The following OR14A2 variants were observed in gnomAD, a reference collection of about 807,000 sequenced individuals.
OR14A2 encodes olfactory receptor family 14 subfamily A member 2.
For missense variants in OR14A2, 237 were observed against 152.9 expected (o/e 1.55, Z -2.90); for synonymous variants, 114 against 58.6 (o/e 1.95, Z -4.32).
the OR14A2 span, among the ~76,000 whole-genome samples, chr1:247,731,910 T>G: frequency 2.6e-5 from 4 of 152,190 alleles, no homozygotes; most frequent in Admixed American, 1.3e-4. Context: ...ATCCCTCATA[T>G]GATGGGTAGA....
chr1:247,735,271 C>A, the OR14A2 span, among the ~76,000 whole-genome samples: 5 of 152,280 alleles, frequency 3.3e-5, no homozygotes, highest in South Asian at 2.1e-4. Flanking sequence ...ATGTTTCAGA[C>A]CCCAAAGTCA....
chr1:247,747,359 C>CTTTTT, the OR14A2 span, among the ~76,000 whole-genome samples: 2 of 136,388 alleles, frequency 1.5e-5, no homozygotes, highest in African/African-American at 5.5e-5. Context: ...AATGCGAAGA[C>CTTTTT]TTTTTTTTTT....
chr1:247,747,128 C>G, the OR14A2 span: 1 of 152,232 alleles, frequency 6.6e-6, no homozygotes. Flanking sequence ...TAATATCTTG[C>G]CTTGGTCTAA....
chr1:247,728,200 C>T (rs1409328172), upstream of OR14A2, among the ~76,000 whole-genome samples: 2 of 152,138 alleles, frequency 1.3e-5, no homozygotes, highest in Non-Finnish European at 2.9e-5. Flanking sequence ...CCGAATCCAG[C>T]AGCACATCAA....
At chr1:247,730,344 C>T in the OR14A2 span, among the ~76,000 whole-genome samples, 2 of 151,982 alleles carry the variant, frequency 1.3e-5, no homozygotes, top group African/African-American at 4.8e-5. Context: ...CTACCTCTAC[C>T]CTGCATAACT....
upstream of OR14A2, among the ~76,000 whole-genome samples, chr1:247,727,798 T>C (rs1256663075): frequency 3.3e-5 from 5 of 149,348 alleles, no homozygotes; most frequent in Non-Finnish European, 7.4e-5. Flanking sequence ...TAAACACCTC[T>C]ATGCAAATAA....
the OR14A2 span, among the ~76,000 whole-genome samples, chr1:247,735,952 A>G: frequency 2.0e-5 from 3 of 152,204 alleles, no homozygotes; most frequent in African/African-American, 4.8e-5. Flanking sequence ...TTCTGAAATT[A>G]TTTTGAAATA....
upstream of OR14A2, chr1:247,724,136 C>T: frequency 2.1e-5 from 12 of 582,470 alleles, no homozygotes; most frequent in South Asian, 2.9e-4. Context: ...TACAGACTAG[C>T]AAGAGTCATA....
chr1:247,725,444 T>C (rs1192490931), upstream of OR14A2, among the ~76,000 whole-genome samples: 1 of 151,894 alleles, frequency 6.6e-6, no homozygotes, highest in African/African-American at 2.4e-5. Flanking sequence ...GATAATTAAT[T>C]GTTTTTTTGT....
chr1:247,742,840 G>A, the OR14A2 span, among the ~76,000 whole-genome samples: 2 of 152,138 alleles, frequency 1.3e-5, no homozygotes, highest in African/African-American at 4.8e-5. Context: ...GCCTTGGAAA[G>A]TAGATATAGG....
the OR14A2 span, among the ~76,000 whole-genome samples, chr1:247,740,736 C>A: frequency 6.6e-6 from 1 of 152,178 alleles, no homozygotes; most frequent in Non-Finnish European, 1.5e-5. Context: ...CGTCGTATCA[C>A]CCTATTTGTC....
chr1:247,748,105 A>T, the OR14A2 span, among the ~76,000 whole-genome samples: 1 of 152,224 alleles, frequency 6.6e-6, no homozygotes, highest in East Asian at 1.9e-4. Flanking sequence ...ATGACATTCC[A>T]TTCAAAACCT....
the OR14A2 span, among the ~76,000 whole-genome samples, chr1:247,742,088 A>G: frequency 1.3e-5 from 2 of 152,204 alleles, no homozygotes; most frequent in Non-Finnish European, 2.9e-5. Context: ...TGTGTATTGC[A>G]CTTTTGGAAA....
chr1:247,738,771 C>T, the OR14A2 span: 6 of 780,738 alleles, frequency 7.7e-6, no homozygotes, highest in African/African-American at 1.7e-5. Context: ...GGACCATCGT[C>T]TCCACATGGC....
exon 1 of OR14A2, chr1:247,723,608 A>C (rs763155132): frequency 4.2e-6 from 3 of 718,418 alleles, no homozygotes; most frequent in Non-Finnish European, 7.8e-6. Context: ...ATGGCCCAGG[A>C]AACACTTGCC....
upstream of OR14A2, chr1:247,724,119 T>C (rs1424272341): frequency 4.8e-6 from 3 of 621,060 alleles, no homozygotes; most frequent in African/African-American, 3.7e-5. Flanking sequence ...ATTAAAAAAT[T>C]AGTCTATACA....
At chr1:247,732,541 T>C in the OR14A2 span, among the ~76,000 whole-genome samples, 1 of 152,172 alleles carries the variant, frequency 6.6e-6, no homozygotes, top group African/African-American at 2.4e-5. Context: ...AAGTAAAACC[T>C]CTCTTTTAGC....
the OR14A2 span, among the ~76,000 whole-genome samples, chr1:247,745,800 G>T: frequency 1.3e-5 from 2 of 152,212 alleles, no homozygotes; most frequent in African/African-American, 4.8e-5. Context: ...AGAACTAGGA[G>T]ACATTTATTT....
At chr1:247,729,779 C>A in the OR14A2 span, among the ~76,000 whole-genome samples, 1 of 151,454 alleles carries the variant, frequency 6.6e-6, no homozygotes, top group Non-Finnish European at 1.5e-5. Context: ...ACTCTCTATC[C>A]TTTCCACCCC....
Sources: allele counts gnomAD v4.1 joint callset (sites outside exome capture counted in the v4.1 genomes callset), GRCh38; gene constraint gnomAD v4.1.1; transcripts MANE v1.5; gene names NCBI Gene and HGNC (gene_info 2026-07-23, HGNC 2026-07-21).